The following TXNL1 variants were observed in gnomAD, a reference collection of about 807,000 sequenced individuals.
The protein encoded by TXNL1 is thioredoxin like 1, also known as thioredoxin-like protein 1.
TXNL1 carries 14 observed loss-of-function variants against 35.5 expected under a neutral mutation model. The ratio of observed to expected loss-of-function variants is 0.39; its 90% confidence interval spans 0.26 to 0.62. TXNL1 has a LOEUF of 0.62. TXNL1 is among the 20% of genes least tolerant of loss of function. The pLI is 0.47. For missense variants in TXNL1, 263 were observed against 349.7 expected (o/e 0.75, Z 1.98); for synonymous variants, 110 against 115.5 (o/e 0.95, Z 0.31).
Position 56,599,968 on chromosome 18 carries a change from C to T in TXNL1, c.*3059G>A, listed in dbSNP as rs949087130. The T allele has an allele frequency of 6.6e-6, 1 of 151,382 alleles. No individual in the cohort carries two copies. The highest frequency in any genetic ancestry group is 1.9e-4 in the East Asian group (1 of 5,194). 9.4% of individuals were successfully genotyped at this position (151,382 alleles called of 1,614,324 possible). A position where few individuals can be genotyped will look rare whatever the true frequency, so the allele number is the denominator to read the frequency against. ...ACAAAAATTAACCTACTAAATTGAA[C>T]TATATGAGTATCAATACAAGCAACA... On this transcript the variant is annotated 3_prime_UTR_variant, in exon 8 of 8. Transcript: ENST00000217515.
intron 2 of TXNL1, among the ~76,000 whole-genome samples, chr18:56,624,762 C>T (rs1448824456): frequency 2.0e-5 from 3 of 152,054 alleles, no homozygotes; most frequent in African/African-American, 4.8e-5. Flanking sequence ...TAATGCCAGA[C>T]AGATCTTTCA....
At chr18:56,626,786 AC>A (rs1000665777) in intron 1 of TXNL1, among the ~76,000 whole-genome samples, 27 of 115,620 alleles carry the variant, frequency 2.3e-4, no homozygotes, top group South Asian at 5.5e-4. Flanking sequence ...GGCGTGAGCC[AC>A]CAAGCCGGTC....
intron 1 of TXNL1, among the ~76,000 whole-genome samples, chr18:56,633,022 A>G (rs1284245697): frequency 2.0e-5 from 3 of 152,196 alleles, no homozygotes; most frequent in African/African-American, 4.8e-5. Flanking sequence ...TTAGAACTCA[A>G]CATCCTAATA....
intron 3 of TXNL1, among the ~76,000 whole-genome samples, chr18:56,619,122 G>A (rs1598917629): frequency 6.6e-6 from 1 of 150,920 alleles, no homozygotes; most frequent in Non-Finnish European, 1.5e-5. Context: ...GCTGAGCTGG[G>A]AGGATGGCTT....
intron 1 of TXNL1, among the ~76,000 whole-genome samples, chr18:56,633,734 C>T (rs1163721866): frequency 6.6e-6 from 1 of 151,762 alleles, no homozygotes; most frequent in African/African-American, 2.4e-5. Context: ...ACCTGTAATC[C>T]CAGCACTTTG....
chr18:56,633,804 T>C (rs936046953), intron 1 of TXNL1, among the ~76,000 whole-genome samples: 14 of 151,410 alleles, frequency 9.2e-5, no homozygotes, highest in Middle Eastern at 3.4e-3. Context: ...ACCAACATGG[T>C]GAAACCCCGT....
At chr18:56,613,612 G>A (rs1007247752) in intron 6 of TXNL1, among the ~76,000 whole-genome samples, 2 of 151,970 alleles carry the variant, frequency 1.3e-5, no homozygotes, top group African/African-American at 4.8e-5. Context: ...CCAGGAGTTT[G>A]AGACCAGCCT....
intron 1 of TXNL1, among the ~76,000 whole-genome samples, chr18:56,632,002 G>C (rs903632143): frequency 6.6e-5 from 10 of 151,328 alleles, no homozygotes; most frequent in African/African-American, 2.4e-4. Context: ...TAAGTAAGAA[G>C]TGAAGATCAT....
intron 5 of TXNL1, among the ~76,000 whole-genome samples, chr18:56,614,859 C>A (rs1274690836): frequency 6.6e-6 from 1 of 152,160 alleles, no homozygotes; most frequent in Non-Finnish European, 1.5e-5. Context: ...GACACACACA[C>A]ACAGAGGGAG....
chr18:56,632,411 T>C (rs984854086), intron 1 of TXNL1, among the ~76,000 whole-genome samples: 2 of 152,182 alleles, frequency 1.3e-5, no homozygotes, highest in African/African-American at 4.8e-5. Flanking sequence ...CTAGCATTCA[T>C]TGGGCACTTA....
rs1568096122 is a variant in TXNL1, at chr18:56,601,472, C to A, written c.*1555G>T. 1 of 152,146 alleles carries A rather than the reference C, an allele frequency of 6.6e-6. No homozygotes were observed. The highest frequency in any genetic ancestry group is 1.5e-5 in the Non-Finnish European group (1 of 68,020). The allele number at this position is 152,146 out of a possible 1,614,324, so 9.4% of individuals were successfully genotyped here. Reference sequence around the variant, plus strand: ...AAGGTTAAGTGTACAAAACTGTAAACCAAAACCCTGCATATTAATCTTATC... The same window carrying A: ...AAGGTTAAGTGTACAAAACTGTAAAACAAAACCCTGCATATTAATCTTATC... On this transcript the variant is annotated 3_prime_UTR_variant, in exon 8 of 8. Coordinates refer to ENST00000217515, the MANE Select transcript of TXNL1 (RefSeq NM_004786.3).
chr18:56,605,711 T>G (rs2144276972), intron 7 of TXNL1, among the ~76,000 whole-genome samples: 1 of 152,288 alleles, frequency 6.6e-6, no homozygotes, highest in East Asian at 1.9e-4. Flanking sequence ...TTATAATCTG[T>G]GCGTGATGCC....
At chr18:56,622,542 C>CA (rs1312625077) in intron 3 of TXNL1, among the ~76,000 whole-genome samples, 1 of 151,920 alleles carries the variant, frequency 6.6e-6, no homozygotes, top group Non-Finnish European at 1.5e-5. Flanking sequence ...TGACACCTGA[C>CA]AGAAAAAAAG....
intron 4 of TXNL1, 54 bp downstream of exon 4, chr18:56,617,950 G>T: frequency 6.3e-7 from 1 of 1,592,366 alleles, no homozygotes; most frequent in South Asian, 1.1e-5. Flanking sequence ...CAAGAAACAA[G>T]AGCAGGCATA....
chr18:56,626,312 A>G (rs369763433), intron 2 of TXNL1, 49 bp downstream of exon 2: 2 of 1,573,118 alleles, frequency 1.3e-6, no homozygotes, highest in African/African-American at 2.8e-5. Context: ...GTTGGATTTC[A>G]AATTTATTCA....
intron 3 of TXNL1, among the ~76,000 whole-genome samples, chr18:56,620,176 G>A (rs188801714): frequency 6.6e-6 from 1 of 151,982 alleles, no homozygotes; most frequent in African/African-American, 2.4e-5. Flanking sequence ...ACAATGGCCA[G>A]GCTGGTCTCC....
At chr18:56,623,495 G>A (rs1251834477) in intron 3 of TXNL1, among the ~76,000 whole-genome samples, 1 of 150,906 alleles carries the variant, frequency 6.6e-6, no homozygotes, top group Non-Finnish European at 1.5e-5. Context: ...TCTTTGATCT[G>A]CCAGTGCAGT....
At chr18:56,623,359 T>C (rs1044701257) in intron 3 of TXNL1, among the ~76,000 whole-genome samples, 7 of 144,520 alleles carry the variant, frequency 4.8e-5, no homozygotes, top group African/African-American at 7.7e-5. Context: ...ACCCTGGAGG[T>C]GGAGGTTGCA....
chr18:56,615,585 C>A (rs1598915746), intron 5 of TXNL1, among the ~76,000 whole-genome samples: 1 of 151,944 alleles, frequency 6.6e-6, no homozygotes, highest in African/African-American at 2.4e-5. Flanking sequence ...AGGGCACAAA[C>A]AGGAATATCT....
Sources: allele counts gnomAD v4.1 joint callset (sites outside exome capture counted in the v4.1 genomes callset), GRCh38; gene constraint gnomAD v4.1.1; transcripts MANE v1.5; gene names NCBI Gene and HGNC (gene_info 2026-07-23, HGNC 2026-07-21).